OGFOD1: variants seen among roughly 807,000 people sequenced by gnomAD.
OGFOD1 encodes the protein prolyl 3-hydroxylase OGFOD1.
OGFOD1 carries 54 observed loss-of-function variants against 67.7 expected under a neutral mutation model. The ratio of observed to expected loss-of-function variants is 0.80; its 90% CI spans 0.64 to 1.00. The LOEUF (loss-of-function observed/expected upper bound fraction) is 1.00, where lower values mean the gene tolerates loss of function less well. Ranked by LOEUF, OGFOD1 falls within the 50% of genes least tolerant of loss-of-function variation. The pLI is 0.00. For missense variants in OGFOD1, 606 were observed against 646.7 expected (o/e 0.94, Z 0.68); for synonymous variants, 221 against 227.0 (o/e 0.97, Z 0.24).
chr16:56,451,738 CT>C lies in OGFOD1; in HGVS notation c.127del (p.Trp43GlyfsTer23). The C allele has an allele frequency of 6.2e-7, 1 of 1,613,270 alleles. No individual in the cohort carries two copies. Among genetic ancestry groups the C allele is most frequent in the Non-Finnish European group, 8.5e-7 (1 of 1,179,902 alleles). Reference protein sequence around the residue: ...ETLKKQVAEAWSRRTPFSHEV... With the variant: ...ETLKKQVAEAXSRRTPFSHEV... ...CCTTGAAAAAGCAGGTGGCTGAGGC[CT>C]GGAGCCGCAGGACGCCGTTCAGTCA... On this transcript the variant is annotated frameshift_variant, in exon 1 of 13. Coordinates refer to ENST00000566157, the MANE Select transcript of OGFOD1 (RefSeq NM_018233.4). LOFTEE classifies it high-confidence loss of function.
In OGFOD1 at chr16:56,477,644, C is replaced by T. The variant is rs1963540728; in HGVS notation, c.*1439C>T. ...TTTCTTGAACTGTTCCAGGGAGTTA[C>T]ATCATAATTACCTGTGTGTGGGTAT... On this transcript the variant is annotated 3_prime_UTR_variant, in exon 13 of 13. Coordinates refer to ENST00000566157, the MANE Select transcript of OGFOD1 (RefSeq NM_018233.4). The T allele has an allele frequency of 6.6e-6, 1 of 152,176 alleles. No homozygotes were observed. Among genetic ancestry groups the T allele is most frequent in the Admixed American group, 6.5e-5 (1 of 15,268 alleles). The allele number at this position is 152,176 out of a possible 1,614,324, so 9.4% of individuals were successfully genotyped here.
chr16:56,466,710 C>T (rs1054838401), intron 5 of OGFOD1, 166 bp from the exon 6 acceptor site: 79 of 655,230 alleles, frequency 1.2e-4, no homozygotes, highest in Non-Finnish European at 2.0e-4. Context: ...ACAGATGCCA[C>T]GTAGTCAAAC....
intron 12 of OGFOD1, among the ~76,000 whole-genome samples, chr16:56,475,843 T>C (rs1210724971): frequency 6.6e-6 from 1 of 152,218 alleles, no homozygotes; most frequent in African/African-American, 2.4e-5. Flanking sequence ...ATGTAATAGG[T>C]AAGTACCTTT....
chr16:56,470,718 G>A lies in OGFOD1; in HGVS notation c.1212G>A (p.Met404Ile). ...CTCCTGAGCCAGAGAATAATCAGAT[G>A]GCCATCAGCAACAACAGCCAACAGA... ...HSPPEPENNQ[M>I]AISNNSQQSN... The change falls in exon 10 of 13, where the codon ATG becomes ATA. Residue 404 changes from methionine to isoleucine, a missense_variant. Physicochemically the swap from Met to Ile is conservative, Grantham distance 10. Coordinates refer to ENST00000566157, the MANE Select transcript of OGFOD1 (RefSeq NM_018233.4). 1.2e-6 allele frequency: 2 copies of A among 1,613,994 alleles called. No individual in the cohort carries two copies. The highest frequency in any genetic ancestry group is 1.6e-4 in the Middle Eastern group (1 of 6,062).
At chr16:56,461,746 G>C (rs1162562069) in intron 3 of OGFOD1, among the ~76,000 whole-genome samples, 1 of 152,180 alleles carries the variant, frequency 6.6e-6, no homozygotes, top group Non-Finnish European at 1.5e-5. Context: ...GAATTGGTCA[G>C]TGTGGGGGGA....
Position 56,476,088 on chromosome 16 carries a change from C to G in OGFOD1, c.1512C>G (p.Tyr504Ter), listed in dbSNP as rs929393934. Residue 504 changes from tyrosine to a stop codon, truncating the protein, a stop_gained, in exon 13 of 13, where the codon TAC becomes TAG. Transcript: ENST00000566157. LOFTEE classifies it high-confidence loss of function. ...AAAGCAATTCTTTGGCATTGGTCTA[C>G]AGAGACAGAGAGACTCTGAAATTTG... ...NPESNSLALV[Y>*]RDRETLKFVK... is the part of the protein sequence containing the mutation. The G allele has an allele frequency of 1.2e-6, 2 of 1,613,868 alleles. No individual in the cohort carries two copies. The highest frequency in any genetic ancestry group is 1.7e-6 in the Non-Finnish European group (2 of 1,179,808).
chr16:56,454,823 C>T, intron 2 of OGFOD1: 1 of 440,730 alleles, frequency 2.3e-6, no homozygotes, highest in Non-Finnish European at 4.5e-6. Flanking sequence ...ATCTTTCTGT[C>T]TTTGGACCTT....
intron 10 of OGFOD1, among the ~76,000 whole-genome samples, chr16:56,471,674 A>T (rs1182036785): frequency 6.6e-6 from 1 of 152,226 alleles, no homozygotes; most frequent in Non-Finnish European, 1.5e-5. Flanking sequence ...ACTTGTGGAA[A>T]CAAAATCAGT....
rs1286451771 is a variant in OGFOD1, at chr16:56,461,150, TATA to T, written c.348-1379_348-1377del. Among the ~76,000 whole-genome samples the T allele has an allele frequency of 3.9e-5, 6 of 152,368 alleles. No homozygotes were observed. The East Asian group carries it at 7.7e-4, about 20-fold the overall frequency. On this transcript the variant is annotated intron_variant, in intron 3 of 12. Coordinates refer to ENST00000566157, the MANE Select transcript of OGFOD1 (RefSeq NM_018233.4). The stretch of plus-strand genomic sequence containing the variant: ...GGTACCAGTATTGGTGCTTGTGATT[TATA>T]ATAAATGTATATTTGGTCTTGGTCT...
intron 2 of OGFOD1, among the ~76,000 whole-genome samples, chr16:56,456,094 C>A (rs1962514012): frequency 6.6e-6 from 1 of 152,240 alleles, no homozygotes; most frequent in Non-Finnish European, 1.5e-5. Flanking sequence ...TCACCCATAA[C>A]CTCCACATTA....
Position 56,472,860 on chromosome 16 carries a change from T to C in OGFOD1, c.1286-1968T>C, listed in dbSNP as rs145569208. Among the ~76,000 whole-genome samples the C allele has an allele frequency of 2.0e-5, 3 of 152,294 alleles. No homozygotes were observed. The East Asian group carries it at 5.8e-4, about 29-fold the overall frequency. ...GATCCTTTTACATCCTTTATAACAA[T>C]AGAACAGGTTTGCACACCCTCCTCA... On this transcript the variant is annotated intron_variant, in intron 10 of 12. Transcript: ENST00000566157.
At chr16:56,475,688 G>A (rs1963438359) in intron 12 of OGFOD1, 123 bp downstream of exon 12, 1 of 775,608 alleles carries the variant, frequency 1.3e-6, no homozygotes, top group Non-Finnish European at 2.1e-6. Flanking sequence ...CCAGGCAATG[G>A]TTCTAATTTC....
At chr16:56,468,360 T>C (rs1240473168) in intron 8 of OGFOD1, among the ~76,000 whole-genome samples, 1 of 152,218 alleles carries the variant, frequency 6.6e-6, no homozygotes, top group African/African-American at 2.4e-5. Flanking sequence ...AGATTACTAA[T>C]AGATCAATAT....
At chr16:56,462,146 G>C in intron 3 of OGFOD1, among the ~76,000 whole-genome samples, 1 of 151,818 alleles carries the variant, frequency 6.6e-6, no homozygotes, top group East Asian at 1.9e-4. Flanking sequence ...TTCCATTTTA[G>C]TGCTGAAAAA....
chr16:56,462,816 G>T (rs1245650838), intron 4 of OGFOD1, among the ~76,000 whole-genome samples, 182 bp downstream of exon 4: 3 of 152,292 alleles, frequency 2.0e-5, no homozygotes, highest in African/African-American at 7.2e-5. Flanking sequence ...ATAAGCAGTG[G>T]TTGTCTTTCA....
chr16:56,459,298 C>A (rs1962634547), intron 3 of OGFOD1, among the ~76,000 whole-genome samples: 1 of 151,604 alleles, frequency 6.6e-6, no homozygotes, highest in African/African-American at 2.4e-5. Flanking sequence ...CGAGATCGAG[C>A]CCGTTGCACT....
intron 4 of OGFOD1, among the ~76,000 whole-genome samples, chr16:56,464,019 G>T (rs1962814692): frequency 6.6e-6 from 1 of 152,130 alleles, no homozygotes; most frequent in Non-Finnish European, 1.5e-5. Flanking sequence ...GTCCAGGATT[G>T]CATGTTGCAT....
intron 2 of OGFOD1, chr16:56,454,727 ATAAGAGAGTAAATAACGAATTTCTCT>A: frequency 2.4e-6 from 1 of 414,610 alleles, no homozygotes; most frequent in Non-Finnish European, 4.7e-6. Flanking sequence ...TTTATCTGGG[ATAAGAGAGTAAATAACGAATTTCTCT>A]CTCTTATTCT....
intron 3 of OGFOD1, chr16:56,458,915 C>A (rs1482630162): frequency 5.9e-6 from 2 of 340,480 alleles, no homozygotes; most frequent in South Asian, 3.0e-5. Context: ...AAAATAAAAA[C>A]CCTAGTGTTG....
Sources: gnomAD v4.1 joint callset for allele counts (sites outside exome capture counted in the v4.1 genomes callset) on GRCh38, gnomAD v4.1.1 for gene constraint, MANE v1.5 for transcripts, NCBI Gene and HGNC (gene_info 2026-07-23, HGNC 2026-07-21) for gene names.